The following RBFOX1 variants were observed in gnomAD, a reference collection of about 807,000 sequenced individuals.
RBFOX1 encodes the protein RNA binding fox-1 homolog 1.
A neutral mutation model predicts 57.7 loss-of-function variants in RBFOX1; 8 were observed. The observed-to-expected ratio is 0.14, with a 90% CI of 0.08 to 0.25. The LOEUF is 0.25. Among genes scored for constraint, RBFOX1 ranks in the 10% least tolerant of loss-of-function variants. The pLI, the probability that RBFOX1 is intolerant of heterozygous loss-of-function variation, is 1.00. For synonymous variants in RBFOX1, 326 were observed against 222.4 expected (o/e 1.47, Z -4.15); for missense variants, 611 against 548.5 (o/e 1.11, Z -1.14).
chr16:7,396,508 G>C (rs1437388771), intron 4 of RBFOX1, among the ~76,000 whole-genome samples: 2 of 152,166 alleles, frequency 1.3e-5, no homozygotes, highest in Non-Finnish European at 2.9e-5. Context: ...TGGATGCTCA[G>C]GACACAGTCA....
chr16:5,700,075 G>C (rs573643473), intron 3 of RBFOX1, among the ~76,000 whole-genome samples: 1 of 152,094 alleles, frequency 6.6e-6, no homozygotes, highest in Non-Finnish European at 1.5e-5. Flanking sequence ...CTCATGATCT[G>C]CCCGCCTTGG....
chr16:6,813,376 C>T (rs1488291736), intron 3 of RBFOX1, among the ~76,000 whole-genome samples: 2 of 152,150 alleles, frequency 1.3e-5, no homozygotes, highest in Non-Finnish European at 2.9e-5. Flanking sequence ...TGTTGCAATT[C>T]CCATCTTGAG....
intron 4 of RBFOX1, among the ~76,000 whole-genome samples, chr16:5,874,080 T>C (rs994906915): frequency 8.5e-5 from 13 of 152,260 alleles, no homozygotes; most frequent in Middle Eastern, 3.4e-3. Context: ...GGTAGGGGTA[T>C]TGGATAATTC....
intron 3 of RBFOX1, among the ~76,000 whole-genome samples, chr16:6,945,807 C>G (rs1342824516): frequency 1.3e-5 from 2 of 152,204 alleles, no homozygotes; most frequent in Non-Finnish European, 1.5e-5. Flanking sequence ...GGGAGAATCG[C>G]CTGAACCCAG....
At chr16:5,894,948 G>C (rs527431875) in intron 4 of RBFOX1, among the ~76,000 whole-genome samples, 1 of 152,076 alleles carries the variant, frequency 6.6e-6, no homozygotes, top group South Asian at 2.1e-4. Context: ...GCATGAACCC[G>C]GGAGGCAGAG....
chr16:5,460,959 A>T (rs2068769874), intron 1 of RBFOX1, among the ~76,000 whole-genome samples: 1 of 152,128 alleles, frequency 6.6e-6, no homozygotes, highest in Admixed American at 6.5e-5. Flanking sequence ...ATGTGCTCAG[A>T]TGTCAAGGTT....
At chr16:7,357,951 G>C (rs914525044) in intron 4 of RBFOX1, among the ~76,000 whole-genome samples, 3 of 152,026 alleles carry the variant, frequency 2.0e-5, no homozygotes, top group African/African-American at 7.3e-5. Context: ...TACTGTCTCT[G>C]TCTTAATAGG....
chr16:5,894,609 A>G (rs925359702), intron 4 of RBFOX1, among the ~76,000 whole-genome samples: 10 of 152,150 alleles, frequency 6.6e-5, no homozygotes, highest in African/African-American at 2.4e-4. Flanking sequence ...ACAATTAAGA[A>G]CAGTCGTATA....
intron 4 of RBFOX1, among the ~76,000 whole-genome samples, chr16:5,911,038 C>T (rs1162393492): frequency 6.6e-6 from 1 of 152,144 alleles, no homozygotes; most frequent in Non-Finnish European, 1.5e-5. Flanking sequence ...TAATCATACC[C>T]CAAATAAACT....
chr16:6,088,457 T>A (rs1364862281), intron 1 of RBFOX1, among the ~76,000 whole-genome samples: 6 of 152,166 alleles, frequency 3.9e-5, no homozygotes, highest in African/African-American at 1.2e-4. Flanking sequence ...AATTAATCAT[T>A]CACTTTCCTA....
At chr16:6,621,917 G>T (rs974850310) in intron 2 of RBFOX1, among the ~76,000 whole-genome samples, 1 of 152,168 alleles carries the variant, frequency 6.6e-6, no homozygotes, top group East Asian at 1.9e-4. Flanking sequence ...AAAAGTAACT[G>T]AAGAGCTAAG....
At chr16:6,234,836 G>A (rs2097493084) in intron 1 of RBFOX1, among the ~76,000 whole-genome samples, 2 of 147,830 alleles carry the variant, frequency 1.4e-5, no homozygotes. Flanking sequence ...CACACACACA[G>A]GCACACATGC....
chr16:6,549,552 TGGGAGGAG>T (rs1243569173), intron 2 of RBFOX1, among the ~76,000 whole-genome samples: 1 of 36,736 alleles, frequency 2.7e-5, no homozygotes, highest in Non-Finnish European at 5.6e-5. Flanking sequence ...AGGAGGAGGA[TGGGAGGAG>T]GGGAGGAAGG....
intron 3 of RBFOX1, among the ~76,000 whole-genome samples, chr16:5,762,372 G>T (rs1201746258): frequency 2.1e-5 from 3 of 141,382 alleles, no homozygotes; most frequent in Non-Finnish European, 4.6e-5. Flanking sequence ...AAAAAAAAAC[G>T]AAGAAAGAAA....
intron 4 of RBFOX1, among the ~76,000 whole-genome samples, chr16:7,379,737 C>G (rs1002533621): frequency 6.6e-6 from 1 of 151,738 alleles, no homozygotes. Flanking sequence ...TTCCTTTCTG[C>G]CTGCCTGCTT....
chr16:6,094,422 T>C (rs1449057156), intron 1 of RBFOX1, among the ~76,000 whole-genome samples: 2 of 152,174 alleles, frequency 1.3e-5, no homozygotes, highest in East Asian at 1.9e-4. Flanking sequence ...CCTAAAACGC[T>C]TGGACTCACA....
intron 3 of RBFOX1, among the ~76,000 whole-genome samples, chr16:5,839,890 C>G (rs541145537): frequency 6.6e-6 from 1 of 152,118 alleles, no homozygotes; most frequent in Admixed American, 6.5e-5. Context: ...GAATCAGTCT[C>G]GTTGGTAACC....
At chr16:7,266,410 G>C (rs921951249) in intron 4 of RBFOX1, among the ~76,000 whole-genome samples, 1 of 152,214 alleles carries the variant, frequency 6.6e-6, no homozygotes, top group Admixed American at 6.5e-5. Flanking sequence ...GGCTTCGCTG[G>C]AAGCCCAGCA....
At chr16:7,399,500 G>C (rs1294836252) in intron 4 of RBFOX1, among the ~76,000 whole-genome samples, 1 of 152,120 alleles carries the variant, frequency 6.6e-6, no homozygotes, top group South Asian at 2.1e-4. Context: ...AATGTCAGCA[G>C]ATTGGCTCCT....
Sources: gnomAD v4.1 joint callset for allele counts (sites outside exome capture counted in the v4.1 genomes callset) on GRCh38, gnomAD v4.1.1 for gene constraint, MANE v1.5 for transcripts, NCBI Gene and HGNC (gene_info 2026-07-23, HGNC 2026-07-21) for gene names.